Variants in CAMKMT observed in about 807,000 individuals in gnomAD.
The protein encoded by CAMKMT is calmodulin-lysine N-methyltransferase.
Under a neutral mutation model 48.0 loss-of-function variants are expected in CAMKMT, and 53 were observed. That is an observed-to-expected ratio of 1.10 (90% CI 0.89 to 1.39). CAMKMT has a LOEUF of 1.39. CAMKMT is among the 40% of genes most tolerant of loss of function. CAMKMT has a pLI of 0.00. For missense variants in CAMKMT, 428 were observed against 402.7 expected (o/e 1.06, Z -0.54); for synonymous variants, 165 against 152.3 (o/e 1.08, Z -0.61).
At chr2:44,458,673 A>C (rs1572557007) in intron 3 of CAMKMT, among the ~76,000 whole-genome samples, 1 of 152,182 alleles carries the variant, frequency 6.6e-6, no homozygotes, top group African/African-American at 2.4e-5. Flanking sequence ...TTTTAATCCA[A>C]CAACCAGCTT....
chr2:44,463,080 T>C (rs746443375), intron 3 of CAMKMT, among the ~76,000 whole-genome samples: 1 of 152,232 alleles, frequency 6.6e-6, no homozygotes. Context: ...ATCAATCTTA[T>C]TGTAGTATTG....
rs147273498 is a variant in CAMKMT at position 44,418,051 on chromosome 2, G to A, written c.376+27746G>A. Among the ~76,000 whole-genome samples the A allele has an allele frequency of 1.1e-3, 161 of 152,192 alleles. 1 individual carries two copies. Among genetic ancestry groups the A allele is most frequent in the African/African-American group, 3.8e-3 (157 of 41,538 alleles). On this transcript the variant is annotated intron_variant, in intron 3 of 10. Coordinates refer to ENST00000378494, the MANE Select transcript of CAMKMT (RefSeq NM_024766.5). ...TACCAAAAATATAAAAAGTAGTCGG[G>A]CATGGTGGCACGTGCCTATAATCCC...
chr2:44,363,848 G>A (rs1336127243), intron 1 of CAMKMT, among the ~76,000 whole-genome samples: 1 of 151,330 alleles, frequency 6.6e-6, no homozygotes, highest in Non-Finnish European at 1.5e-5. Context: ...TCGCCATTAC[G>A]CCCAGCTAAT....
chr2:44,367,204 C>T (rs1678689885), intron 1 of CAMKMT, among the ~76,000 whole-genome samples: 1 of 151,982 alleles, frequency 6.6e-6, no homozygotes. Flanking sequence ...TGAGTGGATC[C>T]CAAATGTCAG....
chr2:44,697,084 A>G (rs1676997306), intron 3 of CAMKMT, among the ~76,000 whole-genome samples: 3 of 152,196 alleles, frequency 2.0e-5, no homozygotes, highest in Admixed American at 6.5e-5. Flanking sequence ...CAGTTGCAGA[A>G]GAAGAGAACA....
At chr2:44,630,893 C>T (rs763676415) in intron 3 of CAMKMT, among the ~76,000 whole-genome samples, 5,668 of 151,672 alleles carry the variant, frequency 0.037, 310 homozygotes, top group African/African-American at 0.12. Flanking sequence ...CATCCCATTA[C>T]TGGGTATATA....
intron 3 of CAMKMT, among the ~76,000 whole-genome samples, chr2:44,427,085 G>A (rs889540838): frequency 2.0e-5 from 3 of 152,148 alleles, no homozygotes; most frequent in African/African-American, 4.8e-5. Context: ...TCAATAAATG[G>A]TGCTGGGAAA....
chr2:44,455,839 T>C (rs913328186), intron 3 of CAMKMT, among the ~76,000 whole-genome samples: 1 of 152,226 alleles, frequency 6.6e-6, no homozygotes. Context: ...GAATTCATTG[T>C]AGTTGGAATG....
chr2:44,729,922 G>A (rs564240859), intron 7 of CAMKMT, among the ~76,000 whole-genome samples: 1 of 152,176 alleles, frequency 6.6e-6, no homozygotes, highest in African/African-American at 2.4e-5. Context: ...GCTCAGGAAT[G>A]TGTATTTCAA....
chr2:44,700,279 A>G (rs894725237), intron 3 of CAMKMT, among the ~76,000 whole-genome samples: 10 of 152,192 alleles, frequency 6.6e-5, no homozygotes, highest in Admixed American at 2.0e-4. Flanking sequence ...CTTTCTCCAT[A>G]TCAGCAATAA....
chr2:44,384,838 CTG>C (rs1320397707), intron 2 of CAMKMT, among the ~76,000 whole-genome samples: 6 of 151,978 alleles, frequency 3.9e-5, no homozygotes, highest in Non-Finnish European at 7.4e-5. Context: ...CCAGTGGTCT[CTG>C]TGCTTATTTT....
intron 3 of CAMKMT, among the ~76,000 whole-genome samples, chr2:44,619,269 C>A (rs1475343897): frequency 6.6e-6 from 1 of 152,156 alleles, no homozygotes; most frequent in Non-Finnish European, 1.5e-5. Context: ...GTCTTAACAT[C>A]TACTAATATC....
rs551670490 is a variant in CAMKMT at position 44,695,626 on chromosome 2, T to C, written c.377-8657T>C. 5.9e-5 allele frequency among the ~76,000 whole-genome samples: 9 copies of C among 152,274 alleles called. 1 individual carries two copies. Among genetic ancestry groups the C allele is most frequent in the African/African-American group, 2.2e-4 (9 of 41,552 alleles). ...CTCCTTTAAGAAACCTCACTAAACC[T>C]CTACATAGGGATGTTTTTTAAGGCA... is the stretch of plus-strand genomic sequence containing the variant. On this transcript the variant is annotated intron_variant, in intron 3 of 10. Transcript: ENST00000378494.
chr2:44,573,199 C>G (rs1416582217), intron 3 of CAMKMT, among the ~76,000 whole-genome samples: 3 of 151,958 alleles, frequency 2.0e-5, no homozygotes, highest in Admixed American at 6.6e-5. Flanking sequence ...TAATAGTAAT[C>G]TTTTCATGTG....
At chr2:44,704,681 CAAA>C (rs1325192887) in intron 4 of CAMKMT, among the ~76,000 whole-genome samples, 15 of 81,304 alleles carry the variant, frequency 1.8e-4, no homozygotes, top group East Asian at 5.0e-4. Context: ...TTGTGAAGGT[CAAA>C]AAAAAAAAAA....
chr2:44,754,147 A>C (rs1047791808), intron 9 of CAMKMT, 29 bp downstream of exon 9: 11 of 1,532,814 alleles, frequency 7.2e-6, no homozygotes, highest in Non-Finnish European at 9.9e-6. Context: ...TCTCCTGAAC[A>C]CTGGCTACAG....
chr2:44,600,345 C>T (rs915111315), intron 3 of CAMKMT, among the ~76,000 whole-genome samples: 14 of 151,920 alleles, frequency 9.2e-5, no homozygotes, highest in Non-Finnish European at 2.1e-4. Context: ...TAGCTCACTA[C>T]ACCCTCAAAC....
At chr2:44,401,316 G>T (rs1682356844) in intron 3 of CAMKMT, among the ~76,000 whole-genome samples, 1 of 152,126 alleles carries the variant, frequency 6.6e-6, no homozygotes, top group Non-Finnish European at 1.5e-5. Context: ...TCAGCACTTT[G>T]GGAGGTGAGG....
At chr2:44,640,984 C>T (rs375094815) in intron 3 of CAMKMT, among the ~76,000 whole-genome samples, 6 of 152,082 alleles carry the variant, frequency 3.9e-5, no homozygotes, top group East Asian at 1.9e-4. Flanking sequence ...TTGGTTCCAG[C>T]GTCATGAAGT....
Sources: gnomAD v4.1 joint callset for allele counts (sites outside exome capture counted in the v4.1 genomes callset) on GRCh38, gnomAD v4.1.1 for gene constraint, MANE v1.5 for transcripts, NCBI Gene and HGNC (gene_info 2026-07-23, HGNC 2026-07-21) for gene names.